The following WDR27 variants were observed in gnomAD, a reference collection of about 807,000 sequenced individuals.
WDR27 encodes the protein WD repeat domain 27.
WDR27 carries 100 observed loss-of-function variants against 114.4 expected under a neutral mutation model. That is an observed-to-expected ratio of 0.87 (90% CI 0.74 to 1.03). The LOEUF (loss-of-function observed/expected upper bound fraction) is 1.03, where lower values mean the gene tolerates loss of function less well. WDR27 is among the 50% of genes least tolerant of loss of function. The pLI, the probability that WDR27 is intolerant of heterozygous loss-of-function variation, is 0.00. For missense variants in WDR27, 1,129 were observed against 1,092.9 expected (o/e 1.03, Z -0.47); for synonymous variants, 449 against 423.1 (o/e 1.06, Z -0.75).
At chr6:169,579,833 A>G (rs1252678854) in intron 24 of WDR27, among the ~76,000 whole-genome samples, 2 of 152,086 alleles carry the variant, frequency 1.3e-5, no homozygotes, top group Non-Finnish European at 2.9e-5. Context: ...GCTCGAAAAA[A>G]CCTGCTCTTT....
chr6:169,435,613 A>G, the WDR27 span, among the ~76,000 whole-genome samples: 3 of 152,254 alleles, frequency 2.0e-5, no homozygotes, highest in Admixed American at 1.3e-4. Flanking sequence ...TCAGACTTGC[A>G]TGGGGCCTTT....
intron 25 of WDR27, among the ~76,000 whole-genome samples, chr6:169,466,700 A>G (rs947592478): frequency 6.6e-6 from 1 of 152,150 alleles, no homozygotes; most frequent in Non-Finnish European, 1.5e-5. Context: ...CCCTAGACAC[A>G]TGGGGATTAT....
rs188261398 is a variant in WDR27, at chr6:169,502,217, G to C, written c.2646-44583C>G. Among the ~76,000 whole-genome samples, 438 of 152,322 alleles carry C rather than the reference G, an allele frequency of 2.9e-3. 3 individuals are homozygous for C. The highest frequency in any genetic ancestry group is 0.01 in the African/African-American group (422 of 41,584). Reference sequence around the variant, plus strand: ...AGCCGCACGCCTGACGCTCTGGCGGGACGACCGCGGCCTCTGAAGAGCGCG... The same window carrying C: ...AGCCGCACGCCTGACGCTCTGGCGGCACGACCGCGGCCTCTGAAGAGCGCG... On this transcript the variant is annotated intron_variant, in intron 25 of 25. Transcript: ENST00000448612.
intron 22 of WDR27, among the ~76,000 whole-genome samples, chr6:169,606,427 G>A (rs972517009): frequency 5.3e-5 from 8 of 152,100 alleles, no homozygotes; most frequent in African/African-American, 9.7e-5. Flanking sequence ...GGTATTAAGC[G>A]TCACAAGCAT....
At position 169,664,237 on chromosome 6, in the gene WDR27, C is replaced by T. The variant is rs148005563; in HGVS notation, c.833G>A (p.Arg278Gln). The change falls in exon 8 of 26, where the codon CGG becomes CAG. Residue 278 changes from arginine (R) to glutamine (Q), a missense_variant. Coordinates refer to ENST00000448612, the MANE Select transcript of WDR27 (RefSeq NM_182552.5). The stretch of plus-strand genomic sequence containing the variant: ...CTCTGTCTTCTTCCTTAGGTCAACC[C>T]GTGCCACACGACGATAATGGTGTCC... Reference protein sequence around the residue: ...MDGHHYRRVARVDLRKKTETF... With the variant: ...MDGHHYRRVAQVDLRKKTETF... 1.5e-5 allele frequency: 25 copies of T among 1,613,668 alleles called. No individual in the cohort carries two copies. Among genetic ancestry groups the T allele is most frequent in the African/African-American group, 1.3e-4 (10 of 75,030 alleles).
At chr6:169,654,743 G>A (rs983951858) in intron 13 of WDR27, among the ~76,000 whole-genome samples, 3 of 151,974 alleles carry the variant, frequency 2.0e-5, no homozygotes, top group African/African-American at 7.3e-5. Context: ...AGGAGGAGGC[G>A]CGCACAGGGT....
At position 169,460,989 on chromosome 6, in the gene WDR27, GA is replaced by G. The variant is rs34208884; in HGVS notation, c.2646-3356del. On this transcript the variant is annotated intron_variant, in intron 25 of 25. Transcript: ENST00000448612. The stretch of plus-strand genomic sequence containing the variant: ...AGCAGGGGTAGATACACCAATAACA[GA>G]AAAAAAAAAGCTTTAAGTCAAAAAG... Among the ~76,000 whole-genome samples the G allele has an allele frequency of 2.9e-3, 385 of 132,868 alleles. 1 individual carries two copies. The highest frequency in any genetic ancestry group is 4.5e-3 in the Non-Finnish European group (275 of 60,710). 87.2% of individuals were successfully genotyped at this position (132,868 alleles called of 152,430 possible). A position where few individuals can be genotyped will look rare whatever the true frequency, so the allele number is the denominator to read the frequency against.
At chr6:169,692,938 C>A (rs1218999100) in intron 1 of WDR27, among the ~76,000 whole-genome samples, 1 of 152,152 alleles carries the variant, frequency 6.6e-6, no homozygotes, top group Non-Finnish European at 1.5e-5. Context: ...CCCTCGCCAA[C>A]TTAGGGAAAG....
chr6:169,449,263 C>T, the WDR27 span, among the ~76,000 whole-genome samples: 2 of 152,160 alleles, frequency 1.3e-5, no homozygotes, highest in Non-Finnish European at 1.5e-5. Context: ...ACTCATTCAC[C>T]TCTCTCCTCT....
At chr6:169,570,948 C>A (rs1255971212) in intron 25 of WDR27, among the ~76,000 whole-genome samples, 1 of 152,222 alleles carries the variant, frequency 6.6e-6, no homozygotes, top group Non-Finnish European at 1.5e-5. Context: ...TCAGCCTTGC[C>A]CTCTCGGCCA....
chr6:169,437,855 A>C, the WDR27 span, among the ~76,000 whole-genome samples: 1 of 152,150 alleles, frequency 6.6e-6, no homozygotes, highest in Non-Finnish European at 1.5e-5. Context: ...TTTGTCTTAA[A>C]GTTTTCTCTG....
chr6:169,656,731 G>A (rs974226704), intron 13 of WDR27, among the ~76,000 whole-genome samples: 6 of 152,218 alleles, frequency 3.9e-5, no homozygotes, highest in East Asian at 1.9e-4. Context: ...GCATTAGGCC[G>A]CAGCAGCCCA....
At chr6:169,632,901 GCA>G (rs779291617) in intron 21 of WDR27, 44 bp downstream of exon 21, 3 of 1,542,348 alleles carry the variant, frequency 1.9e-6, no homozygotes, top group Admixed American at 3.5e-5. Context: ...AATGCTTTAA[GCA>G]CATAGTTTTA....
At chr6:169,565,052 G>A (rs527258997) in intron 25 of WDR27, among the ~76,000 whole-genome samples, 5 of 152,094 alleles carry the variant, frequency 3.3e-5, no homozygotes, top group East Asian at 3.9e-4. Context: ...TCGCCGAGCT[G>A]AGCCCAGTCT....
At chr6:169,594,568 C>T (rs558394669) in intron 23 of WDR27, among the ~76,000 whole-genome samples, 2 of 152,204 alleles carry the variant, frequency 1.3e-5, no homozygotes, top group Admixed American at 1.3e-4. Context: ...TTATTGTTTC[C>T]ACCTTGTGAA....
chr6:169,652,134 A>T lies in WDR27; in HGVS notation c.1403-126T>A, dbSNP rs1028051598. Reference sequence around the variant, plus strand: ...CAAACAGAATGAATTCCTGACCATAAATTTAAGAGGTTTCATATCTGAAGT... The same window carrying T: ...CAAACAGAATGAATTCCTGACCATATATTTAAGAGGTTTCATATCTGAAGT... On this transcript the variant is annotated intron_variant, in intron 13 of 25. Coordinates refer to ENST00000448612, the MANE Select transcript of WDR27 (RefSeq NM_182552.5). 5 of 799,488 alleles carry T rather than the reference A, an allele frequency of 6.3e-6. No homozygotes were observed. In the African/African-American group the frequency reaches 7.0e-5, roughly 11 times the overall value. The allele number at this position is 799,488 out of a possible 1,614,324, so 49.5% of individuals were successfully genotyped here.
chr6:169,481,872 C>G (rs1788188975), intron 25 of WDR27, among the ~76,000 whole-genome samples: 1 of 152,238 alleles, frequency 6.6e-6, no homozygotes, highest in Non-Finnish European at 1.5e-5. Flanking sequence ...TCTTTAAAAA[C>G]TGTAACACTC....
chr6:169,586,786 T>G (rs535927244), intron 23 of WDR27, among the ~76,000 whole-genome samples: 128 of 134,574 alleles, frequency 9.5e-4, no homozygotes, highest in Non-Finnish European at 1.8e-3. Flanking sequence ...GAGGCAGTGG[T>G]TGCAGTGGGC....
intron 21 of WDR27, among the ~76,000 whole-genome samples, chr6:169,624,164 T>TGTGG (rs1562729294): frequency 3.2e-4 from 43 of 135,708 alleles, no homozygotes; most frequent in Non-Finnish European, 5.8e-4. Flanking sequence ...GTCAGGTGTG[T>TGTGG]GGCGTCAGGT....
Sources: allele counts gnomAD v4.1 joint callset (sites outside exome capture counted in the v4.1 genomes callset), GRCh38; gene constraint gnomAD v4.1.1; transcripts MANE v1.5; gene names NCBI Gene and HGNC (gene_info 2026-07-23, HGNC 2026-07-21).